The following EPS8 variants were observed in gnomAD, a reference collection of about 807,000 sequenced individuals.
EPS8 encodes EGFR pathway substrate 8, signaling adaptor.
In EPS8, 42 loss-of-function variants were observed where a neutral mutation model predicts 103.8. The ratio of observed to expected loss-of-function variants is 0.40; its 90% CI spans 0.32 to 0.52. The LOEUF is 0.52. Ranked by LOEUF, EPS8 falls within the 20% of genes least tolerant of loss-of-function variation. The probability of loss-of-function intolerance (pLI) is 0.40; values close to 1 mark genes in which losing one functional copy is unlikely to be tolerated. For missense variants in EPS8, 969 were observed against 1,005.1 expected (o/e 0.96, Z 0.49); for synonymous variants, 344 against 344.6 (o/e 1.00, Z 0.02).
intron 1 of EPS8, among the ~76,000 whole-genome samples, chr12:15,753,754 G>C (rs1946957311): frequency 6.6e-6 from 1 of 152,166 alleles, no homozygotes; most frequent in Admixed American, 6.5e-5. Flanking sequence ...GCTCACTCCA[G>C]AAGCTCTGTT....
At chr12:15,718,492 C>T (rs1184252662) in intron 1 of EPS8, among the ~76,000 whole-genome samples, 1 of 151,768 alleles carries the variant, frequency 6.6e-6, no homozygotes, top group Non-Finnish European at 1.5e-5. Context: ...AATACAGACT[C>T]TGCTGAAACA....
At chr12:15,699,495 G>A (rs1946285025) in intron 1 of EPS8, among the ~76,000 whole-genome samples, 1 of 152,070 alleles carries the variant, frequency 6.6e-6, no homozygotes, top group Non-Finnish European at 1.5e-5. Context: ...ATATATTTAA[G>A]AGAAATAGAG....
chr12:15,676,737 T>C (rs1945915724), intron 3 of EPS8, among the ~76,000 whole-genome samples: 1 of 152,228 alleles, frequency 6.6e-6, no homozygotes, highest in Admixed American at 6.5e-5. Flanking sequence ...CTGTTATAAC[T>C]GGAGGAGAGA....
rs1010091157 is a variant in EPS8, at chr12:15,738,703, T to C, written c.-22+50458A>G. 1.3e-5 allele frequency among the ~76,000 whole-genome samples: 2 copies of C among 152,276 alleles called. No homozygotes were observed. The highest frequency in any genetic ancestry group is 1.9e-4 in the East Asian group (1 of 5,180). Reference sequence around the variant, plus strand: ...GTCATTTGTTTGCATATTTGTCTCATAGTTGGAATATAAACTACAAAAGGA... The same window carrying C: ...GTCATTTGTTTGCATATTTGTCTCACAGTTGGAATATAAACTACAAAAGGA... On this transcript the variant is annotated intron_variant, in intron 1 of 20. Coordinates refer to ENST00000281172, the MANE Select transcript of EPS8 (RefSeq NM_004447.6). This position sits in a 1 kb window ranked among gnomAD's most constrained non-coding sequence, Gnocchi z 6.2.
chr12:15,631,922 T>C (rs1945053776), intron 17 of EPS8, among the ~76,000 whole-genome samples: 1 of 152,120 alleles, frequency 6.6e-6, no homozygotes, highest in Non-Finnish European at 1.5e-5. Context: ...ATTATAGTAA[T>C]AAATGTCAAG....
chr12:15,685,691 G>T (rs1435927087), intron 1 of EPS8, among the ~76,000 whole-genome samples: 2 of 152,106 alleles, frequency 1.3e-5, no homozygotes, highest in Non-Finnish European at 2.9e-5. Flanking sequence ...TTATCACGGC[G>T]GCTCATGTGG....
Position 15,723,117 on chromosome 12 carries a change from CT to C in EPS8, c.-21-40146del, listed in dbSNP as rs1946616076. Among the ~76,000 whole-genome samples, 4 of 152,068 alleles carry C rather than the reference CT, an allele frequency of 2.6e-5. No individual in the cohort carries two copies. In the South Asian group the frequency reaches 8.3e-4, roughly 32 times the overall value. On this transcript the variant is annotated intron_variant, in intron 1 of 20. Coordinates refer to ENST00000281172, the MANE Select transcript of EPS8 (RefSeq NM_004447.6). Reference sequence around the variant, plus strand: ...GGGGGATGCATCACTTGAACCCAGCCTGGGCAACATGGTGAAATCTCCTCTC... The same window carrying C: ...GGGGGATGCATCACTTGAACCCAGCCGGGCAACATGGTGAAATCTCCTCTC...
intron 1 of EPS8, chr12:15,713,000 C>T: frequency 3.0e-6 from 3 of 985,214 alleles, no homozygotes; most frequent in Non-Finnish European, 3.6e-6. Flanking sequence ...TTGTACTGTA[C>T]CAAACAAAAT....
At chr12:15,773,172 C>T (rs1947171804) in intron 1 of EPS8, among the ~76,000 whole-genome samples, 1 of 152,094 alleles carries the variant, frequency 6.6e-6, no homozygotes. Flanking sequence ...CCAAGACACA[C>T]CTGAACTCCA....
rs1947169565 is a variant in EPS8, at chr12:15,772,982, G to A, written c.-22+16179C>T. 6.6e-6 allele frequency among the ~76,000 whole-genome samples: 1 copy of A among 152,140 alleles called. No individual in the cohort carries two copies. The highest frequency in any genetic ancestry group is 2.4e-5 in the African/African-American group (1 of 41,454). On this transcript the variant is annotated intron_variant, in intron 1 of 20. Transcript: ENST00000281172. This position sits in a 1 kb window ranked among gnomAD's most constrained non-coding sequence, Gnocchi z 5.0. ...TTGGTTTAGCTTTTAGAAGATGGCAGATGACCTACAGACATAAGCTCAGCA... is the reference window on the plus strand; with the variant it reads ...TTGGTTTAGCTTTTAGAAGATGGCAAATGACCTACAGACATAAGCTCAGCA...
Position 15,751,308 on chromosome 12 carries a change from A to G in EPS8, c.-22+37853T>C, listed in dbSNP as rs1946929095. Reference sequence around the variant, plus strand: ...GGGAGATAAAGGCTGCAGTGAGCTGAGATCACGCCACTGCACTCCAGCCTG... The same window carrying G: ...GGGAGATAAAGGCTGCAGTGAGCTGGGATCACGCCACTGCACTCCAGCCTG... On this transcript the variant is annotated intron_variant, in intron 1 of 20. Transcript: ENST00000281172. The surrounding 1 kb of genome is among the most constrained non-coding windows in gnomAD (Gnocchi z 4.3). 6.6e-6 allele frequency among the ~76,000 whole-genome samples: 1 copy of G among 152,158 alleles called. No individual in the cohort carries two copies. The highest frequency in any genetic ancestry group is 2.4e-5 in the African/African-American group (1 of 41,428).
At chr12:15,682,778 G>C in intron 2 of EPS8, 115 bp downstream of exon 2, 1 of 627,708 alleles carries the variant, frequency 1.6e-6, no homozygotes, top group Non-Finnish European at 2.8e-6. Context: ...TATTAATGAG[G>C]AATGAACTAC....
chr12:15,682,858 C>G (rs553028637), intron 2 of EPS8, 35 bp downstream of exon 2: 2 of 1,125,790 alleles, frequency 1.8e-6, no homozygotes, highest in Admixed American at 3.9e-5. Context: ...ATCAAATTCC[C>G]CCAAAACATA....
chr12:15,683,180 C>T (rs112491512), intron 1 of EPS8: 39 of 354,604 alleles, frequency 1.1e-4, no homozygotes, highest in African/African-American at 6.8e-4. Flanking sequence ...AATTAATATG[C>T]TAAAATTATA....
rs979762706 is a variant in EPS8 at position 15,774,519 on chromosome 12, TAGGCA to T, written c.-22+14637_-22+14641del. Among the ~76,000 whole-genome samples the T allele has an allele frequency of 6.7e-4, 101 of 150,746 alleles. 1 individual carries two copies. The highest frequency in any genetic ancestry group is 2.4e-3 in the African/African-American group (97 of 41,174). On this transcript the variant is annotated intron_variant, in intron 1 of 20. Coordinates refer to ENST00000281172, the MANE Select transcript of EPS8 (RefSeq NM_004447.6). ...TTATCCTGTATTCTACAATGCTCAA[TAGGCA>T]AGGTAAGGGAAAGGTTACAGGTTTG...
Position 15,752,271 on chromosome 12 carries a change from C to A in EPS8, c.-22+36890G>T, listed in dbSNP as rs1269849899. Among the ~76,000 whole-genome samples the A allele has an allele frequency of 6.6e-6, 1 of 151,950 alleles. No individual in the cohort carries two copies. The highest frequency in any genetic ancestry group is 1.9e-4 in the East Asian group (1 of 5,174). ...GACCATCCTGGCTAACATGGTGAAA[C>A]CCCGTTTCTACTAAAAATACAAAAA... On this transcript the variant is annotated intron_variant, in intron 1 of 20. Transcript: ENST00000281172. The surrounding 1 kb of genome is among the most constrained non-coding windows in gnomAD (Gnocchi z 4.4).
intron 8 of EPS8, among the ~76,000 whole-genome samples, chr12:15,663,985 A>ACACG (rs1565487448): frequency 5.8e-5 from 8 of 139,030 alleles, no homozygotes; most frequent in Non-Finnish European, 1.2e-4. Flanking sequence ...ATACACACAC[A>ACACG]CATATATATA....
rs1947110627 is a variant in EPS8, at chr12:15,767,578, T to C, written c.-22+21583A>G. Among the ~76,000 whole-genome samples the C allele has an allele frequency of 6.6e-6, 1 of 152,214 alleles. No homozygotes were observed. Among genetic ancestry groups the C allele is most frequent in the South Asian group, 2.1e-4 (1 of 4,828 alleles). Reference sequence around the variant, plus strand: ...CTTTATTATCCTCATTGTTACTCTATTTTCCAAAACAGTGAACTAAATGCC... The same window carrying C: ...CTTTATTATCCTCATTGTTACTCTACTTTCCAAAACAGTGAACTAAATGCC... On this transcript the variant is annotated intron_variant, in intron 1 of 20. Coordinates refer to ENST00000281172, the MANE Select transcript of EPS8 (RefSeq NM_004447.6). The surrounding 1 kb of genome is among the most constrained non-coding windows in gnomAD (Gnocchi z 5.5).
intron 3 of EPS8, 79 bp from the exon 4 acceptor site, chr12:15,671,002 T>A: frequency 1.0e-6 from 1 of 993,416 alleles, no homozygotes; most frequent in Non-Finnish European, 1.6e-6. Context: ...TGGCTATCTC[T>A]AAAACTAGTC....
Sources: gnomAD v4.1 joint callset for allele counts (sites outside exome capture counted in the v4.1 genomes callset) on GRCh38, gnomAD v4.1.1 for gene constraint, Gnocchi (gnomAD v3.1) non-coding constraint, MANE v1.5 for transcripts, NCBI Gene and HGNC (gene_info 2026-07-23, HGNC 2026-07-21) for gene names.